The following FSTL4 variants were observed in gnomAD, a reference collection of about 807,000 sequenced individuals.
FSTL4 encodes the protein follistatin like 4, also known as follistatin-related protein 4.
FSTL4 carries 28 observed loss-of-function variants against 78.2 expected under a neutral mutation model. The observed-to-expected ratio is 0.36, with a 90% CI of 0.27 to 0.49. The LOEUF (loss-of-function observed/expected upper bound fraction) is 0.49, where lower values mean the gene tolerates loss of function less well. Ranked by LOEUF, FSTL4 falls within the 20% of genes least tolerant of loss-of-function variation. The pLI, the probability that FSTL4 is intolerant of heterozygous loss-of-function variation, is 0.98. For missense variants in FSTL4, 922 were observed against 1,084.9 expected (o/e 0.85, Z 2.11); for synonymous variants, 422 against 440.5 (o/e 0.96, Z 0.53).
At chr5:133,276,134 A>AC (rs1752877629) in intron 6 of FSTL4, among the ~76,000 whole-genome samples, 1 of 152,232 alleles carries the variant, frequency 6.6e-6, no homozygotes, top group Non-Finnish European at 1.5e-5. Flanking sequence ...GAGAGCAATC[A>AC]CAATGTTTCC....
At chr5:133,805,930 T>A in the FSTL4 span, among the ~76,000 whole-genome samples, 3 of 152,222 alleles carry the variant, frequency 2.0e-5, no homozygotes, top group African/African-American at 7.2e-5. Flanking sequence ...ACAGTCAGGC[T>A]GGGGCCAGAC....
chr5:133,592,336 A>C (rs370974), intron 2 of FSTL4, among the ~76,000 whole-genome samples: 56,072 of 152,090 alleles, frequency 0.37, 10,539 homozygotes, highest in African/African-American at 0.42. Context: ...ACGGTGAGAT[A>C]TCAGATAAGA....
Position 133,602,334 on chromosome 5 carries a change from A to G in FSTL4, c.126+1524T>C, listed in dbSNP as rs535279368. ...CCAGCATCTGCTCCTTCTTGTTGGC[A>G]CACAAAGAATTAGGGTGTTAACAGC... On this transcript the variant is annotated intron_variant, in intron 2 of 15. Coordinates refer to ENST00000265342, the MANE Select transcript of FSTL4 (RefSeq NM_015082.2). 1.1e-4 allele frequency among the ~76,000 whole-genome samples: 16 copies of G among 152,302 alleles called. No homozygotes were observed. In the South Asian group the frequency reaches 3.3e-3, roughly 32 times the overall value.
chr5:133,655,675 G>A, the FSTL4 span, among the ~76,000 whole-genome samples: 1 of 151,962 alleles, frequency 6.6e-6, no homozygotes, highest in Non-Finnish European at 1.5e-5. Flanking sequence ...AAACAGCCTT[G>A]AATATAATAT....
At chr5:133,778,782 A>G in the FSTL4 span, among the ~76,000 whole-genome samples, 2 of 152,226 alleles carry the variant, frequency 1.3e-5, no homozygotes, top group Non-Finnish European at 2.9e-5. Context: ...ATTCTAAAGC[A>G]AGGAACCAGG....
chr5:133,293,998 C>A (rs767296318), intron 6 of FSTL4, among the ~76,000 whole-genome samples: 4 of 152,212 alleles, frequency 2.6e-5, no homozygotes, highest in Non-Finnish European at 4.4e-5. Context: ...GCCTTCCCAT[C>A]TGTTCTTACG....
the FSTL4 span, among the ~76,000 whole-genome samples, chr5:133,728,941 A>G: frequency 6.6e-6 from 1 of 152,202 alleles, no homozygotes; most frequent in Non-Finnish European, 1.5e-5. Context: ...AAAGACAGGA[A>G]TAAATCGGCC....
At chr5:133,760,124 A>G in the FSTL4 span, among the ~76,000 whole-genome samples, 1 of 152,140 alleles carries the variant, frequency 6.6e-6, no homozygotes, top group East Asian at 1.9e-4. Flanking sequence ...TGGTCCTGAG[A>G]GCATCAGCCC....
the FSTL4 span, among the ~76,000 whole-genome samples, chr5:133,721,787 C>A: frequency 6.6e-6 from 1 of 152,096 alleles, no homozygotes; most frequent in South Asian, 2.1e-4. Flanking sequence ...ATCTGGGAAC[C>A]TTTGAGCATC....
At chr5:133,737,274 C>G in the FSTL4 span, among the ~76,000 whole-genome samples, 10 of 151,652 alleles carry the variant, frequency 6.6e-5, no homozygotes, top group South Asian at 2.1e-4. Flanking sequence ...TTCCCAGCCT[C>G]TGGTAACAAT....
At chr5:133,578,638 T>C (rs1760335852) in intron 2 of FSTL4, among the ~76,000 whole-genome samples, 1 of 152,216 alleles carries the variant, frequency 6.6e-6, no homozygotes. Flanking sequence ...TATATGAGGA[T>C]TTAGTGATTT....
chr5:133,334,741 G>C (rs940163987), intron 4 of FSTL4, among the ~76,000 whole-genome samples: 7 of 152,160 alleles, frequency 4.6e-5, no homozygotes, highest in Admixed American at 3.3e-4. Flanking sequence ...GGGAGGGGTG[G>C]GAAGGTGCGG....
At chr5:133,517,479 C>CCACACACACACACACA (rs70974086) in intron 3 of FSTL4, among the ~76,000 whole-genome samples, 2 of 55,532 alleles carry the variant, frequency 3.6e-5, no homozygotes, top group Non-Finnish European at 6.3e-5. Flanking sequence ...CACACACACA[C>CCACACACACACACACA]CACACACACA....
chr5:133,254,680 C>T (rs1479613661), intron 6 of FSTL4, among the ~76,000 whole-genome samples: 1 of 152,232 alleles, frequency 6.6e-6, no homozygotes, highest in East Asian at 1.9e-4. Flanking sequence ...TAAGAATCGT[C>T]AGAACTGAAA....
chr5:133,692,091 A>G, the FSTL4 span, among the ~76,000 whole-genome samples: 2 of 152,232 alleles, frequency 1.3e-5, no homozygotes, highest in Non-Finnish European at 2.9e-5. Flanking sequence ...GAGGTGCAGC[A>G]GGAGTGATGG....
chr5:133,731,359 C>T, the FSTL4 span, among the ~76,000 whole-genome samples: 1 of 152,208 alleles, frequency 6.6e-6, no homozygotes, highest in Non-Finnish European at 1.5e-5. Context: ...ATCTATACTG[C>T]AGCCTACATA....
intron 2 of FSTL4, among the ~76,000 whole-genome samples, chr5:133,579,303 G>A (rs1321910095): frequency 6.6e-6 from 1 of 152,202 alleles, no homozygotes; most frequent in Non-Finnish European, 1.5e-5. Context: ...ATGGAGGTGA[G>A]TGCAGTTTCC....
rs1485145819 is a variant in FSTL4, at chr5:133,426,767, TAG to T, written c.161-25783_161-25782del. Among the ~76,000 whole-genome samples, 2 of 152,184 alleles carry T rather than the reference TAG, an allele frequency of 1.3e-5. No individual in the cohort carries two copies. Among genetic ancestry groups the T allele is most frequent in the Non-Finnish European group, 2.9e-5 (2 of 68,042 alleles). ...CAGTTCTGCTTTAATAATGCACTGATAGAAGCTCCAGTTCCCTTCTTTAGTTT... is the reference window on the plus strand; with the variant it reads ...CAGTTCTGCTTTAATAATGCACTGATAAGCTCCAGTTCCCTTCTTTAGTTT... On this transcript the variant is annotated intron_variant, in intron 3 of 15. Coordinates refer to ENST00000265342, the MANE Select transcript of FSTL4 (RefSeq NM_015082.2). This position sits in a 1 kb window ranked among gnomAD's most constrained non-coding sequence, Gnocchi z 5.0.
At chr5:133,803,617 G>C in the FSTL4 span, among the ~76,000 whole-genome samples, 4 of 152,252 alleles carry the variant, frequency 2.6e-5, no homozygotes, top group African/African-American at 9.6e-5. Flanking sequence ...AGAAACATGG[G>C]GGCAGAAGCA....
Sources: allele counts gnomAD v4.1 joint callset (sites outside exome capture counted in the v4.1 genomes callset), GRCh38; gene constraint gnomAD v4.1.1; non-coding constraint Gnocchi (gnomAD v3.1); transcripts MANE v1.5; gene names NCBI Gene and HGNC (gene_info 2026-07-23, HGNC 2026-07-21).